MYH6: variants seen among roughly 807,000 people sequenced by gnomAD.
MYH6 encodes myosin-6.
MYH6 carries 126 observed loss-of-function variants against 223.2 expected under a neutral mutation model. The observed-to-expected ratio is 0.56, with a 90% CI of 0.49 to 0.65. The LOEUF is 0.65. Ranked by LOEUF, MYH6 falls within the 30% of genes least tolerant of loss-of-function variation. The pLI is 0.00. For missense variants in MYH6, 2,040 were observed against 2,536.4 expected (o/e 0.80, Z 4.20); for synonymous variants, 978 against 1,010.2 (o/e 0.97, Z 0.61).
rs1891078206 is a variant in MYH6 at position 23,387,762 on chromosome 14, A to C, written c.4521T>G (p.Leu1507=). The C allele has an allele frequency of 3.1e-6, 5 of 1,613,742 alleles. No homozygotes were observed. The East Asian group carries it at 6.7e-5, about 22-fold the overall frequency. The stretch of plus-strand genomic sequence containing the variant: ...CCTCTTGGACCCCCAGCACACCCTG[A>C]AGGTTCTTGTTCTCCCGCTTGAAGG... ...LETFKRENKN[L]QEEISDLTEQ... Residue 1507 remains leucine (L), a synonymous_variant, in exon 31 of 39, where the codon CTT becomes CTG. Coordinates refer to ENST00000405093, the MANE Select transcript of MYH6 (RefSeq NM_002471.4).
rs1417882969 is a variant in MYH6, at chr14:23,386,440, C to T, written c.4834G>A (p.Glu1612Lys). ...SLDAETRSRN[E>K]VLRVKKKMEG... ...ATCTTCTTCTTCACCCTCAGGACCT[C>T]GTTGCGGCTGCGTGTCTCTGCATCC... Residue 1612 changes from glutamate (E) to lysine (K), a missense_variant, in exon 33 of 39, where the codon GAG becomes AAG. Glu to Lys is a moderately conservative substitution (Grantham distance 56). Coordinates refer to ENST00000405093, the MANE Select transcript of MYH6 (RefSeq NM_002471.4). The T allele has an allele frequency of 8.1e-6, 13 of 1,614,070 alleles. No individual in the cohort carries two copies. The highest frequency in any genetic ancestry group is 1.1e-5 in the South Asian group (1 of 91,092).
rs1312659522 is a variant in MYH6, at chr14:23,393,852, C to A, written c.2742G>T (p.Lys914Asn). 22 of 1,614,100 alleles carry A rather than the reference C, an allele frequency of 1.4e-5. No homozygotes were observed. Among genetic ancestry groups the A allele is most frequent in the Non-Finnish European group, 1.8e-5 (21 of 1,180,052 alleles). The part of the protein sequence containing the change: ...EERCDQLIKN[K>N]IQLEAKVKEM... ...CCTTTACTTTGGCCTCCAGCTGAAT[C>A]TTGTTTTTGATCAGCTGGTCGCAGC... The change falls in exon 22 of 39, where the codon AAG becomes AAT. Residue 914 changes from lysine to asparagine, a missense_variant. Transcript: ENST00000405093.
chr14:23,394,416 T>C (rs1891334618), intron 20 of MYH6, 93 bp from the exon 21 acceptor site: 1 of 1,515,658 alleles, frequency 6.6e-7, no homozygotes, highest in Non-Finnish European at 9.0e-7. Context: ...CACGTAGACT[T>C]CCTTCTTGTG....
At chr14:23,395,596 G>T (rs541227604) in intron 20 of MYH6, among the ~76,000 whole-genome samples, 2 of 151,696 alleles carry the variant, frequency 1.3e-5, no homozygotes, top group African/African-American at 4.8e-5. Context: ...GCTCGATCTT[G>T]GCTCACTGCA....
chr14:23,393,893 T>C lies in MYH6; in HGVS notation c.2701A>G (p.Asn901Asp). The change falls in exon 22 of 39, where the codon AAT (asparagine) becomes GAT (aspartate). Residue 901 changes from asparagine (N) to aspartate (D), a missense_variant. This residue lies in a region of MYH6 where 1,203 missense variants were observed against 1,400.2 expected (regional missense o/e 0.86). Coordinates refer to ENST00000405093, the MANE Select transcript of MYH6 (RefSeq NM_002471.4). Reference sequence around the variant, plus strand: ...TGGTCGCAGCGCTCCTCAGCATCATTGAGGTTGTCTTGTTCCTGGGAGAAG... The same window carrying C: ...TGGTCGCAGCGCTCCTCAGCATCATCGAGGTTGTCTTGTTCCTGGGAGAAG... ...LQVQAEQDNL[N>D]DAEERCDQLI... 6.2e-7 allele frequency: 1 copy of C among 1,613,954 alleles called. No individual in the cohort carries two copies. Among genetic ancestry groups the C allele is most frequent in the Non-Finnish European group, 8.5e-7 (1 of 1,179,936 alleles).
chr14:23,396,519 C>G (rs1273258512), intron 19 of MYH6, 99 bp from the exon 20 acceptor site: 1 of 1,568,988 alleles, frequency 6.4e-7, no homozygotes, highest in Non-Finnish European at 8.7e-7. Flanking sequence ...TCACCCCATG[C>G]CTTCTAGAAG....
At chr14:23,404,617 C>T in intron 7 of MYH6, 94 bp downstream of exon 7, 4 of 1,286,046 alleles carry the variant, frequency 3.1e-6, no homozygotes, top group Non-Finnish European at 3.4e-6. Flanking sequence ...GTGTGGCTGT[C>T]CCCACCACGT....
At chr14:23,399,547 C>T (rs1036434857) in intron 14 of MYH6, among the ~76,000 whole-genome samples, 14 of 152,268 alleles carry the variant, frequency 9.2e-5, no homozygotes, top group African/African-American at 3.1e-4. Context: ...TCCAGAAAAA[C>T]GCATGTACAC....
chr14:23,391,846 T>C (rs1441001927), intron 25 of MYH6, among the ~76,000 whole-genome samples: 1 of 152,178 alleles, frequency 6.6e-6, no homozygotes, highest in African/African-American at 2.4e-5. Flanking sequence ...GTTCACTAAA[T>C]CTTGAGCTGC....
At chr14:23,389,810 G>A (rs1891176002) in intron 26 of MYH6, 91 bp from the exon 27 acceptor site, 1 of 1,600,732 alleles carries the variant, frequency 6.2e-7, no homozygotes, top group African/African-American at 1.3e-5. Context: ...AATGCCAGAG[G>A]GCAGGAGGGG....
intron 21 of MYH6, 57 bp from the exon 22 acceptor site, chr14:23,393,965 T>C: frequency 6.2e-7 from 1 of 1,613,904 alleles, no homozygotes; most frequent in Non-Finnish European, 8.5e-7. Flanking sequence ...CCTAGGGTCT[T>C]AAAAAGAGCT....
chr14:23,389,552 C>T (rs760030367), intron 27 of MYH6, 41 bp from the exon 28 acceptor site: 1 of 1,614,216 alleles, frequency 6.2e-7, no homozygotes, highest in Non-Finnish European at 8.5e-7. Flanking sequence ...TTTCACAAGT[C>T]ATGTCCTGCC....
rs563533053 is a variant in MYH6 at position 23,397,574 on chromosome 14, G to A, written c.1931C>T (p.Ser644Leu). 5.0e-6 allele frequency: 8 copies of A among 1,614,228 alleles called. No individual in the cohort carries two copies. The East Asian group carries it at 1.1e-4, about 22-fold the overall frequency. ...GAGAGCCGACACCGTCTGGAAGGAT[G>A]AGCCCTTTTTCTTGCCTCCTTTGCT... is the stretch of plus-strand genomic sequence containing the variant. The part of the protein sequence containing the change: ...GKSKGGKKKG[S>L]SFQTVSALHR... Residue 644 changes from serine (S) to leucine (L), a missense_variant, in exon 16 of 39, where the codon TCA becomes TTA. Coordinates refer to ENST00000405093, the MANE Select transcript of MYH6 (RefSeq NM_002471.4).
At chr14:23,389,301 A>G (rs1891151698) in intron 28 of MYH6, 92 bp downstream of exon 28, 8 of 1,425,604 alleles carry the variant, frequency 5.6e-6, no homozygotes, top group Non-Finnish European at 7.9e-6. Context: ...CTTGCAGAGG[A>G]CTCTTTCCAG....
intron 25 of MYH6, 58 bp downstream of exon 25, chr14:23,392,504 C>T (rs1203404629): frequency 7.9e-7 from 1 of 1,261,590 alleles, no homozygotes; most frequent in Non-Finnish European, 1.2e-6. Context: ...GCTGCTGCAG[C>T]CTCAGTTACC....
intron 13 of MYH6, 26 bp from the exon 14 acceptor site, chr14:23,400,452 C>T (rs369457285): frequency 1.4e-4 from 228 of 1,613,920 alleles, no homozygotes; most frequent in South Asian, 4.9e-4. Flanking sequence ...GGGGTGGGAG[C>T]AGTCAGAAAG....
chr14:23,389,278 G>C (rs1891151427), intron 28 of MYH6, 115 bp downstream of exon 28: 1 of 1,280,840 alleles, frequency 7.8e-7, no homozygotes, highest in Non-Finnish European at 1.1e-6. Context: ...AACCTAGACT[G>C]GAGGGTCTTT....
chr14:23,406,847 G>A (rs919655097), intron 3 of MYH6, among the ~76,000 whole-genome samples, 176 bp downstream of exon 3: 1 of 152,124 alleles, frequency 6.6e-6, no homozygotes, highest in African/African-American at 2.4e-5. Flanking sequence ...TGTTGCACCA[G>A]CTCAGGTCAA....
chr14:23,388,129 G>A (rs1233413042), intron 30 of MYH6, 26 bp downstream of exon 30: 1 of 1,612,064 alleles, frequency 6.2e-7, no homozygotes, highest in Non-Finnish European at 8.5e-7. Flanking sequence ...CCTGCATGCT[G>A]GCTGCGGCCC....
Sources: allele counts gnomAD v4.1 joint callset (sites outside exome capture counted in the v4.1 genomes callset), GRCh38; gene constraint gnomAD v4.1.1; regional missense constraint gnomAD v4.1.1; transcripts MANE v1.5; gene names NCBI Gene and HGNC (gene_info 2026-07-23, HGNC 2026-07-21).